SLC39A8: variants seen among roughly 807,000 people sequenced by gnomAD.
SLC39A8 encodes metal cation symporter ZIP8.
In SLC39A8, 15 loss-of-function variants were observed where a neutral mutation model predicts 40.4. The ratio of observed to expected loss-of-function variants is 0.37; its 90% CI spans 0.25 to 0.57. The LOEUF (loss-of-function observed/expected upper bound fraction) is 0.57, where lower values mean the gene tolerates loss of function less well. Ranked by LOEUF, SLC39A8 falls within the 20% of genes least tolerant of loss-of-function variation. SLC39A8 has a pLI of 0.75. For missense variants in SLC39A8, 472 were observed against 558.8 expected (o/e 0.84, Z 1.57); for synonymous variants, 223 against 221.6 (o/e 1.01, Z -0.06).
chr4:102,297,373 T>C (rs1217956632), intron 6 of SLC39A8, among the ~76,000 whole-genome samples: 1 of 152,122 alleles, frequency 6.6e-6, no homozygotes, highest in African/African-American at 2.4e-5. Context: ...ATGGAAATAA[T>C]AATCGTACTT....
chr4:102,340,441 T>C (rs1735893393), intron 2 of SLC39A8, among the ~76,000 whole-genome samples: 2 of 152,282 alleles, frequency 1.3e-5, no homozygotes, highest in South Asian at 4.2e-4. Context: ...GAAAGGCTTC[T>C]CAGAAGAAGT....
chr4:102,322,728 T>C (rs778243339), intron 2 of SLC39A8, among the ~76,000 whole-genome samples: 1 of 152,120 alleles, frequency 6.6e-6, no homozygotes, highest in Non-Finnish European at 1.5e-5. Context: ...TTGCAATAGA[T>C]TGAGATTCTG....
downstream of SLC39A8, chr4:102,259,478 G>T (rs1307997862): frequency 1.9e-6 from 3 of 1,548,338 alleles, no homozygotes; most frequent in Admixed American, 5.9e-5. Flanking sequence ...AGTAAATGAA[G>T]TTGAGATTTG....
At chr4:102,270,002 C>T (rs1048837781) in intron 6 of SLC39A8, among the ~76,000 whole-genome samples, 2 of 152,100 alleles carry the variant, frequency 1.3e-5, no homozygotes, top group Non-Finnish European at 2.9e-5. Context: ...GCAATTACAG[C>T]TGAAGGAGAA....
At chr4:102,331,808 C>T (rs1393277331) in intron 2 of SLC39A8, among the ~76,000 whole-genome samples, 1 of 152,094 alleles carries the variant, frequency 6.6e-6, no homozygotes, top group Non-Finnish European at 1.5e-5. Context: ...GTACTGGTAC[C>T]ACAACAGATA....
chr4:102,257,313 G>T (rs1459090959), downstream of SLC39A8, among the ~76,000 whole-genome samples: 4 of 151,858 alleles, frequency 2.6e-5, no homozygotes, highest in African/African-American at 9.7e-5. Context: ...ACCACCCCCA[G>T]CTAATTTATT....
Position 102,302,479 on chromosome 4 carries a change from C to T in SLC39A8, c.840+1838G>A, listed in dbSNP as rs548754251. 1.2e-4 allele frequency among the ~76,000 whole-genome samples: 19 copies of T among 152,040 alleles called. No individual in the cohort carries two copies. In the South Asian group the frequency reaches 3.3e-3, roughly 27 times the overall value. ...TCTTTAGGCTTTCTCTGCTGTGCCT[C>T]GCATTAAATAATATATCCTCAGAAA... On this transcript the variant is annotated intron_variant, in intron 6 of 8. Transcript: ENST00000356736.
intron 6 of SLC39A8, among the ~76,000 whole-genome samples, chr4:102,272,918 T>C (rs1313399702): frequency 1.3e-5 from 2 of 152,110 alleles, no homozygotes; most frequent in Non-Finnish European, 2.9e-5. Flanking sequence ...CCAGCCCAGA[T>C]ACTATGCTTT....
At chr4:102,322,628 T>C (rs145080795) in intron 2 of SLC39A8, among the ~76,000 whole-genome samples, 1 of 152,326 alleles carries the variant, frequency 6.6e-6, no homozygotes, top group East Asian at 1.9e-4. Flanking sequence ...CATCTGATCC[T>C]GTACCATTAT....
chr4:102,267,757 C>T (rs932868277), intron 7 of SLC39A8, 83 bp from the exon 8 acceptor site: 1 of 1,531,946 alleles, frequency 6.5e-7, no homozygotes, highest in African/African-American at 1.4e-5. Context: ...CAATGTCCAA[C>T]AAGGTCTTCA....
chr4:102,324,256 G>A (rs774967748), intron 2 of SLC39A8: 5 of 362,462 alleles, frequency 1.4e-5, no homozygotes, highest in South Asian at 7.7e-5. Context: ...TTACCTGAGC[G>A]TGTTGGTGCA....
At chr4:102,302,899 A>G (rs1209844702) in intron 6 of SLC39A8, among the ~76,000 whole-genome samples, 4 of 152,044 alleles carry the variant, frequency 2.6e-5, no homozygotes, top group Non-Finnish European at 5.9e-5. Flanking sequence ...CTCTTGGCTG[A>G]AAGCATCATT....
chr4:102,298,788 T>C (rs1251201406), intron 6 of SLC39A8, among the ~76,000 whole-genome samples: 1 of 120,686 alleles, frequency 8.3e-6, no homozygotes, highest in African/African-American at 3.0e-5. Context: ...TCTGACTGAC[T>C]TCACAAAGAA....
At chr4:102,315,119 C>A (rs1366756857) in intron 3 of SLC39A8, among the ~76,000 whole-genome samples, 5 of 152,094 alleles carry the variant, frequency 3.3e-5, no homozygotes, top group African/African-American at 1.2e-4. Context: ...TTTAAAATTT[C>A]TTTGCATCAG....
chr4:102,345,091 T>TA (rs1736119954), intron 1 of SLC39A8, 176 bp from the exon 2 acceptor site: 1 of 186,036 alleles, frequency 5.4e-6, no homozygotes, highest in African/African-American at 2.4e-5. Flanking sequence ...TCCTCCCGGA[T>TA]ATAAAGCCCC....
chr4:102,261,555 T>A (rs1173503655), downstream of SLC39A8: 4 of 426,604 alleles, frequency 9.4e-6, no homozygotes, highest in Admixed American at 2.6e-4. Context: ...CGGGGTTAGA[T>A]TTACAGTTTG....
chr4:102,304,593 T>A, intron 5 of SLC39A8, 112 bp from the exon 6 acceptor site: 1 of 804,170 alleles, frequency 1.2e-6, no homozygotes, highest in Non-Finnish European at 1.9e-6. Flanking sequence ...GTATGTCTAT[T>A]CTATGTGTAA....
exon 12 of SLC39A8, chr4:102,251,302 A>G (rs1731580495): frequency 6.6e-6 from 1 of 152,196 alleles, no homozygotes; most frequent in African/African-American, 2.4e-5. Flanking sequence ...AACAAAAGGG[A>G]AATTCCTTTA....
intron 6 of SLC39A8, among the ~76,000 whole-genome samples, chr4:102,280,562 T>C (rs890779335): frequency 6.6e-6 from 1 of 152,242 alleles, no homozygotes; most frequent in Non-Finnish European, 1.5e-5. Flanking sequence ...GTGATAAATG[T>C]TTGTATTTTA....
Sources: allele counts gnomAD v4.1 joint callset (sites outside exome capture counted in the v4.1 genomes callset), GRCh38; gene constraint gnomAD v4.1.1; transcripts MANE v1.5; gene names NCBI Gene and HGNC (gene_info 2026-07-23, HGNC 2026-07-21).